AGBL1: variants seen among roughly 807,000 people sequenced by gnomAD.
The protein encoded by AGBL1 is AGBL carboxypeptidase 1.
AGBL1 carries 130 observed loss-of-function variants against 118.9 expected under a neutral mutation model. The ratio of observed to expected loss-of-function variants is 1.09; its 90% confidence interval spans 0.95 to 1.26. The LOEUF is 1.26. Ranked by LOEUF, AGBL1 falls within the 50% of genes most tolerant of loss-of-function variation. The pLI, the probability that AGBL1 is intolerant of heterozygous loss-of-function variation, is 0.00. For synonymous variants in AGBL1, 555 were observed against 478.9 expected (o/e 1.16, Z -2.08); for missense variants, 1,584 against 1,298.1 (o/e 1.22, Z -3.38).
chr15:86,705,786 A>G (rs2086439159), intron 22 of AGBL1, among the ~76,000 whole-genome samples: 1 of 152,132 alleles, frequency 6.6e-6, no homozygotes, highest in Admixed American at 6.5e-5. Flanking sequence ...CTCACAGAGC[A>G]CATCAAGGTG....
intron 22 of AGBL1, among the ~76,000 whole-genome samples, chr15:86,723,702 A>G (rs1489539997): frequency 2.0e-5 from 3 of 152,194 alleles, no homozygotes; most frequent in African/African-American, 7.2e-5. Context: ...GACTAAACGG[A>G]AAACTAGAAC....
chr15:86,834,773 G>A (rs375575949), intron 22 of AGBL1, among the ~76,000 whole-genome samples: 3 of 152,118 alleles, frequency 2.0e-5, no homozygotes, highest in Non-Finnish European at 4.4e-5. Context: ...TGTCACCTTC[G>A]ACTCTGGAGC....
chr15:86,632,029 A>AT (rs60551645), intron 21 of AGBL1, among the ~76,000 whole-genome samples: 73,421 of 145,846 alleles, frequency 0.5, 19,313 homozygotes, highest in Middle Eastern at 0.64. Context: ...TATTTCCACA[A>AT]TTTTTTTTTT....
At chr15:86,364,976 T>TATATATATACACACACACAC (rs1567219418) in intron 17 of AGBL1, among the ~76,000 whole-genome samples, 1 of 83,258 alleles carries the variant, frequency 1.2e-5, no homozygotes, top group African/African-American at 4.0e-5. Flanking sequence ...TATATATATA[T>TATATATATACACACACACAC]ATATATATAT....
At chr15:86,371,682 C>A (rs1242417451) in intron 17 of AGBL1, among the ~76,000 whole-genome samples, 2 of 151,972 alleles carry the variant, frequency 1.3e-5, no homozygotes, top group Non-Finnish European at 2.9e-5. Flanking sequence ...TGTGTGTGTC[C>A]CAGTTTCCAA....
chr15:86,308,283 A>G (rs746145578), intron 17 of AGBL1, among the ~76,000 whole-genome samples: 2 of 152,202 alleles, frequency 1.3e-5, no homozygotes, highest in Non-Finnish European at 2.9e-5. Context: ...TAAGGAAGTA[A>G]TTAAGGTTAA....
intron 17 of AGBL1, among the ~76,000 whole-genome samples, chr15:86,390,872 G>C (rs906953691): frequency 1.3e-5 from 2 of 151,792 alleles, no homozygotes; most frequent in Non-Finnish European, 2.9e-5. Flanking sequence ...GTTTTGCCAT[G>C]TTGGCCAGGC....
chr15:86,337,975 A>G (rs541700818), intron 17 of AGBL1, among the ~76,000 whole-genome samples: 16 of 152,338 alleles, frequency 1.1e-4, no homozygotes, highest in African/African-American at 3.4e-4. Flanking sequence ...AGACACTTCT[A>G]GTCAGGAGAG....
intron 6 of AGBL1, among the ~76,000 whole-genome samples, chr15:86,240,131 C>T (rs981580768): frequency 6.6e-6 from 1 of 152,202 alleles, no homozygotes; most frequent in African/African-American, 2.4e-5. Context: ...TTTAACTTCT[C>T]TTAGCCTCTG....
At chr15:86,414,033 G>C (rs892620889) in intron 18 of AGBL1, among the ~76,000 whole-genome samples, 20 of 152,100 alleles carry the variant, frequency 1.3e-4, no homozygotes, top group African/African-American at 4.8e-4. Flanking sequence ...CAACATTAAT[G>C]GAACTGGAGG....
At chr15:86,281,326 T>C (rs2079350434) in intron 16 of AGBL1, among the ~76,000 whole-genome samples, 2 of 152,088 alleles carry the variant, frequency 1.3e-5, no homozygotes, top group African/African-American at 2.4e-5. Flanking sequence ...GAGGCTGCAG[T>C]GAGCCAGGAT....
rs1476185556 is a variant in AGBL1, at chr15:86,911,607, A to G, written c.*4313A>G. ...CGCACTTATGCTTGTGAGTGTCTAC[A>G]CACATATGCACATGCACAGTGCAAT... On this transcript the variant is annotated 3_prime_UTR_variant, in exon 23 of 23. Coordinates refer to ENST00000614907, the MANE Select transcript of AGBL1 (RefSeq NM_001386094.1). The G allele has an allele frequency of 1.3e-5, 2 of 152,084 alleles. No homozygotes were observed. Among genetic ancestry groups the G allele is most frequent in the Non-Finnish European group, 2.9e-5 (2 of 68,018 alleles). The allele number at this position is 152,084 out of a possible 1,614,324, so 9.4% of individuals were successfully genotyped here.
intron 18 of AGBL1, among the ~76,000 whole-genome samples, chr15:86,460,052 T>C (rs531596180): frequency 1.3e-5 from 2 of 152,204 alleles, no homozygotes; most frequent in South Asian, 4.1e-4. Flanking sequence ...ATTGTTATTT[T>C]TGGTCAGGGC....
chr15:86,816,429 A>G (rs916043184), intron 22 of AGBL1, among the ~76,000 whole-genome samples: 2 of 152,220 alleles, frequency 1.3e-5, no homozygotes, highest in African/African-American at 4.8e-5. Context: ...GACTTTCAAA[A>G]AGGCAGTTCA....
At chr15:86,541,180 TCAAA>T (rs2083489704) in intron 19 of AGBL1, among the ~76,000 whole-genome samples, 1 of 152,208 alleles carries the variant, frequency 6.6e-6, no homozygotes, top group African/African-American at 2.4e-5. Context: ...GGATTAAACC[TCAAA>T]CAATTATTTT....
intron 18 of AGBL1, among the ~76,000 whole-genome samples, chr15:86,455,785 A>C (rs2082251687): frequency 6.6e-6 from 1 of 152,070 alleles, no homozygotes; most frequent in Non-Finnish European, 1.5e-5. Context: ...CAACATCTCC[A>C]TTTTATAGGT....
At chr15:86,829,069 G>C (rs866876417) in intron 22 of AGBL1, among the ~76,000 whole-genome samples, 7 of 151,680 alleles carry the variant, frequency 4.6e-5, no homozygotes, top group Admixed American at 1.3e-4. Context: ...AAATATTATT[G>C]ATGTCCTGGT....
chr15:86,298,296 A>C (rs28613574), intron 17 of AGBL1, among the ~76,000 whole-genome samples: 1,897 of 103,308 alleles, frequency 0.018, 81 homozygotes, highest in African/African-American at 0.059. Flanking sequence ...CTATATATAT[A>C]TGGTAGCTAT....
At chr15:86,256,556 G>A (rs2078898272) in intron 7 of AGBL1, among the ~76,000 whole-genome samples, 1 of 152,190 alleles carries the variant, frequency 6.6e-6, no homozygotes, top group Non-Finnish European at 1.5e-5. Context: ...CTTAGGCGCA[G>A]CATCCCTTGA....
Sources: allele counts gnomAD v4.1 joint callset (sites outside exome capture counted in the v4.1 genomes callset), GRCh38; gene constraint gnomAD v4.1.1; transcripts MANE v1.5; gene names NCBI Gene and HGNC (gene_info 2026-07-23, HGNC 2026-07-21).